Variants in CFAP20DC observed in about 807,000 individuals in gnomAD.
CFAP20DC encodes the protein protein CFAP20DC.
A neutral mutation model predicts 101.7 loss-of-function variants in CFAP20DC; 84 were observed. The ratio of observed to expected loss-of-function variants is 0.83; its 90% CI spans 0.69 to 0.99. The LOEUF is 0.99. Among genes scored for constraint, CFAP20DC ranks in the 50% least tolerant of loss-of-function variants. The probability of loss-of-function intolerance (pLI) is 0.00; values close to 1 mark genes in which losing one functional copy is unlikely to be tolerated. For synonymous variants in CFAP20DC, 359 were observed against 351.2 expected (o/e 1.02, Z -0.25); for missense variants, 1,007 against 970.3 (o/e 1.04, Z -0.50).
At chr3:58,941,315 G>GACCC (rs1330550532) in intron 4 of CFAP20DC, among the ~76,000 whole-genome samples, 3 of 107,350 alleles carry the variant, frequency 2.8e-5, no homozygotes, top group Admixed American at 1.4e-4. Context: ...GCGACAGAGC[G>GACCC]AGACTCCGTC....
At chr3:58,902,600 T>C (rs1029796658) in intron 6 of CFAP20DC, among the ~76,000 whole-genome samples, 1 of 152,226 alleles carries the variant, frequency 6.6e-6, no homozygotes, top group African/African-American at 2.4e-5. Flanking sequence ...TCAAGTCCTT[T>C]GATTATTTTT....
intron 15 of CFAP20DC, among the ~76,000 whole-genome samples, chr3:58,764,155 A>G (rs1444538811): frequency 6.6e-6 from 1 of 152,174 alleles, no homozygotes; most frequent in Admixed American, 6.5e-5. Context: ...AGAGACAGGC[A>G]GGCCTCCGTG....
chr3:58,717,571 G>C lies in CFAP20DC; in HGVS notation c.*17C>G, dbSNP rs983742407. 2.0e-5 allele frequency: 9 copies of C among 451,314 alleles called. No homozygotes were observed. Among genetic ancestry groups the C allele is most frequent in the East Asian group, 7.0e-5 (1 of 14,354 alleles). The allele number at this position is 451,314 out of a possible 1,614,324, so 28.0% of individuals were successfully genotyped here. On this transcript the variant is annotated 3_prime_UTR_variant, in exon 4 of 4. Coordinates refer to the CFAP20DC transcript ENST00000486145. This position sits in a 1 kb window ranked among gnomAD's most constrained non-coding sequence, Gnocchi z 4.1. Reference sequence around the variant, plus strand: ...CCAGGTTCTTGTCCTGATATCTTTAGAGTGTGAGTTTTGCCTTCACAGTTG... The same window carrying C: ...CCAGGTTCTTGTCCTGATATCTTTACAGTGTGAGTTTTGCCTTCACAGTTG...
At chr3:58,782,901 GA>G (rs2071971538) in intron 15 of CFAP20DC, among the ~76,000 whole-genome samples, 2 of 151,716 alleles carry the variant, frequency 1.3e-5, no homozygotes, top group South Asian at 4.2e-4. Context: ...TTCACAAAAA[GA>G]AAAAAATCCT....
At chr3:58,839,205 T>C (rs1301874215) in intron 13 of CFAP20DC, among the ~76,000 whole-genome samples, 2 of 152,246 alleles carry the variant, frequency 1.3e-5, no homozygotes, top group Admixed American at 1.3e-4. Flanking sequence ...AGTTGTCACA[T>C]GATCATGGAA....
chr3:58,723,874 T>C (rs1394472678), intron 3 of CFAP20DC, among the ~76,000 whole-genome samples: 1 of 152,206 alleles, frequency 6.6e-6, no homozygotes, highest in Non-Finnish European at 1.5e-5. Context: ...TAATAAAAAA[T>C]GTTTTTTTAT....
At chr3:58,832,557 A>C (rs2076470312) in intron 13 of CFAP20DC, among the ~76,000 whole-genome samples, 1 of 152,200 alleles carries the variant, frequency 6.6e-6, no homozygotes, top group Non-Finnish European at 1.5e-5. Context: ...AATATATTCA[A>C]CTTGCAGTAA....
At chr3:59,041,825 A>G (rs1699415440) in intron 3 of CFAP20DC, among the ~76,000 whole-genome samples, 1 of 152,046 alleles carries the variant, frequency 6.6e-6, no homozygotes, top group Non-Finnish European at 1.5e-5. Flanking sequence ...TTTACTTTTC[A>G]TCTGTAAAAA....
intron 6 of CFAP20DC, among the ~76,000 whole-genome samples, chr3:58,902,637 T>C (rs1005191793): frequency 3.9e-5 from 6 of 152,212 alleles, no homozygotes; most frequent in African/African-American, 1.4e-4. Flanking sequence ...CTTTTTGTTG[T>C]TGAGTTTTAA....
chr3:58,863,456 T>C lies in CFAP20DC; in HGVS notation c.1593+102A>G. On this transcript the variant is annotated intron_variant, in intron 12 of 16. Coordinates refer to ENST00000482387, the MANE Select transcript of CFAP20DC (RefSeq NM_001394063.1). This position sits in a 1 kb window ranked among gnomAD's most constrained non-coding sequence, Gnocchi z 5.9. ...TGGCAATCTGTTGCATTTTTATAAA[T>C]AGCAGTTGATTTTCCCTCTTTCATT... is the stretch of plus-strand genomic sequence containing the variant. 9 of 1,511,540 alleles carry C rather than the reference T, an allele frequency of 6.0e-6. No individual in the cohort carries two copies. Among genetic ancestry groups the C allele is most frequent in the East Asian group, 2.4e-5 (1 of 41,084 alleles). 93.6% of individuals were successfully genotyped at this position (1,511,540 alleles called of 1,614,324 possible).
At position 58,868,063 on chromosome 3, in the gene CFAP20DC, C is replaced by T. The variant is rs889170090; in HGVS notation, c.1016-127G>A. 4.6e-6 allele frequency: 5 copies of T among 1,086,024 alleles called. No homozygotes were observed. The African/African-American group carries it at 8.1e-5, about 18-fold the overall frequency. The allele number at this position is 1,086,024 out of a possible 1,614,324, so 67.3% of individuals were successfully genotyped here. On this transcript the variant is annotated intron_variant, in intron 9 of 16. Coordinates refer to ENST00000482387, the MANE Select transcript of CFAP20DC (RefSeq NM_001394063.1). The surrounding 1 kb of genome is among the most constrained non-coding windows in gnomAD (Gnocchi z 4.6). Reference sequence around the variant, plus strand: ...ATAATTTTGACATAATGTGAAGATACATCAAAAATACAACTTCATAGAAAA... The same window carrying T: ...ATAATTTTGACATAATGTGAAGATATATCAAAAATACAACTTCATAGAAAA...
intron 4 of CFAP20DC, among the ~76,000 whole-genome samples, chr3:59,036,149 C>G (rs2094098987): frequency 6.6e-6 from 1 of 152,088 alleles, no homozygotes; most frequent in Non-Finnish European, 1.5e-5. Context: ...GAATGTATCT[C>G]AAAATAATAA....
chr3:58,875,338 T>C (rs1189981124), intron 7 of CFAP20DC, among the ~76,000 whole-genome samples: 2 of 152,184 alleles, frequency 1.3e-5, no homozygotes, highest in Admixed American at 6.5e-5. Flanking sequence ...TCCAGAGCAA[T>C]TGGAAAAATC....
At chr3:59,029,725 G>A (rs1240117298) in intron 4 of CFAP20DC, among the ~76,000 whole-genome samples, 2 of 152,154 alleles carry the variant, frequency 1.3e-5, no homozygotes, top group Non-Finnish European at 2.9e-5. Flanking sequence ...AGACTAGAAT[G>A]AAAGAGGACA....
Position 58,859,246 on chromosome 3 carries a change from A to G in CFAP20DC, c.1593+4312T>C, listed in dbSNP as rs1012381486. On this transcript the variant is annotated intron_variant, in intron 12 of 16. Coordinates refer to ENST00000482387, the MANE Select transcript of CFAP20DC (RefSeq NM_001394063.1). This position sits in a 1 kb window ranked among gnomAD's most constrained non-coding sequence, Gnocchi z 4.1. ...ATGACATCTTTACCTATAGCAAATGATACTTTACAGACAAATCATAGCATA... is the reference window on the plus strand; with the variant it reads ...ATGACATCTTTACCTATAGCAAATGGTACTTTACAGACAAATCATAGCATA... 6.6e-6 allele frequency among the ~76,000 whole-genome samples: 1 copy of G among 152,230 alleles called. No homozygotes were observed. Among genetic ancestry groups the G allele is most frequent in the African/African-American group, 2.4e-5 (1 of 41,458 alleles).
Position 58,742,553 on chromosome 3 carries a change from C to A in CFAP20DC, c.2352G>T (p.Val784=). Reference sequence around the variant, plus strand: ...AAGTCAGTACTTCCTCGTCCTCTTCCACACTGAGGTCTTCTTCACCTGTGG... The same window carrying A: ...AAGTCAGTACTTCCTCGTCCTCTTCAACACTGAGGTCTTCTTCACCTGTGG... ...LSVQGEEDLS[V]EEDEEVLTLL... The change falls in exon 17 of 17, where the codon GTG becomes GTT. Residue 784 remains valine, a synonymous_variant. Transcript: ENST00000482387. 1 of 1,602,900 alleles carries A rather than the reference C, an allele frequency of 6.2e-7. No individual in the cohort carries two copies. The highest frequency in any genetic ancestry group is 8.5e-7 in the Non-Finnish European group (1 of 1,174,368).
chr3:58,797,614 G>A (rs186071465), intron 15 of CFAP20DC, among the ~76,000 whole-genome samples: 13 of 152,328 alleles, frequency 8.5e-5, no homozygotes, highest in Admixed American at 3.3e-4. Context: ...TACAATCATT[G>A]ATGAAGGTGA....
intron 16 of CFAP20DC, among the ~76,000 whole-genome samples, chr3:58,752,243 GT>G (rs2068627451): frequency 6.6e-6 from 1 of 152,104 alleles, no homozygotes; most frequent in African/African-American, 2.4e-5. Context: ...GAAAATGCTT[GT>G]TTTTGGAGGC....
intron 4 of CFAP20DC, among the ~76,000 whole-genome samples, chr3:58,973,728 G>T (rs1452493651): frequency 6.6e-6 from 1 of 152,134 alleles, no homozygotes; most frequent in Admixed American, 6.6e-5. Context: ...ACACAGGTGT[G>T]GGCAAGGTTG....
Sources: gnomAD v4.1 joint callset for allele counts (sites outside exome capture counted in the v4.1 genomes callset) on GRCh38, gnomAD v4.1.1 for gene constraint, Gnocchi (gnomAD v3.1) non-coding constraint, MANE v1.5 for transcripts, NCBI Gene and HGNC (gene_info 2026-07-23, HGNC 2026-07-21) for gene names.